Variants in ZNF33B observed in about 807,000 individuals in gnomAD.
ZNF33B encodes zinc finger protein 11b (KOX 2).
ZNF33B carries 29 observed loss-of-function variants against 45.8 expected under a neutral mutation model. The ratio of observed to expected loss-of-function variants is 0.63; its 90% CI spans 0.47 to 0.86. ZNF33B has a LOEUF of 0.86. Ranked by LOEUF, ZNF33B falls within the 40% of genes least tolerant of loss-of-function variation. The pLI, the probability that ZNF33B is intolerant of heterozygous loss-of-function variation, is 0.00. For missense variants in ZNF33B, 831 were observed against 909.9 expected (o/e 0.91, Z 1.12); for synonymous variants, 305 against 307.8 (o/e 0.99, Z 0.10).
chr10:42,593,704 T>G lies in ZNF33B; in HGVS notation c.1246A>C (p.Asn416His). Reference protein sequence around the residue: ...THTGEKPYQCNACGKTFYQKS... With the variant: ...THTGEKPYQCHACGKTFYQKS... ...TGGTAAAAAGTTTTCCCACATGCAT[T>G]ACACTGATAGGGTTTCTCCCCTGTA... Residue 416 changes from asparagine (N) to histidine (H), a missense_variant, in exon 5 of 5, where the codon AAT (asparagine) becomes CAT (histidine). Asn to His is a moderately conservative substitution (Grantham distance 68). Transcript: ENST00000359467. The G allele has an allele frequency of 6.2e-7, 1 of 1,613,332 alleles. No individual in the cohort carries two copies. The highest frequency in any genetic ancestry group is 8.5e-7 in the Non-Finnish European group (1 of 1,179,566).
chr10:42,632,380 C>T lies in ZNF33B; in HGVS notation c.69G>A (p.Gln23=). The change falls in exon 3 of 5, where the codon CAG becomes CAA. Residue 23 remains glutamine, a synonymous_variant. Transcript: ENST00000359467. ...SFKDVTVGFT[Q]EEWQHLDPSQ... is the part of the protein sequence containing the mutation. The stretch of plus-strand genomic sequence containing the variant: ...TAGGGTCCAGGTGCTGCCACTCCTC[C>T]TGGGTGAAGCCCACAGTCACATCTT... The T allele has an allele frequency of 6.2e-7, 1 of 1,613,902 alleles. No individual in the cohort carries two copies. Among genetic ancestry groups the T allele is most frequent in the Non-Finnish European group, 8.5e-7 (1 of 1,179,962 alleles).
intron 4 of ZNF33B, among the ~76,000 whole-genome samples, chr10:42,608,162 T>C (rs1197616631): frequency 6.6e-6 from 1 of 152,140 alleles, no homozygotes; most frequent in Non-Finnish European, 1.5e-5. Flanking sequence ...ACATAACAAT[T>C]CTAAGCATAT....
At chr10:42,585,996 C>T (rs1440070537), downstream of ZNF33B, among the ~76,000 whole-genome samples, 2 of 152,180 alleles carry the variant, frequency 1.3e-5, no homozygotes, top group African/African-American at 4.8e-5. Flanking sequence ...AGTCAGGATG[C>T]CTTGCTCTAG....
chr10:42,602,232 A>G (rs1837660014), intron 4 of ZNF33B, among the ~76,000 whole-genome samples: 1 of 150,260 alleles, frequency 6.7e-6, no homozygotes, highest in Non-Finnish European at 1.5e-5. Flanking sequence ...CTGGCCATGT[A>G]TTTTTCATCT....
chr10:42,626,605 T>C (rs1237758087), intron 4 of ZNF33B, among the ~76,000 whole-genome samples: 3 of 151,880 alleles, frequency 2.0e-5, no homozygotes, highest in Non-Finnish European at 4.4e-5. Flanking sequence ...GGATAATCAC[T>C]TGAACCTGGG....
At chr10:42,627,091 C>T (rs1838843473) in intron 4 of ZNF33B, among the ~76,000 whole-genome samples, 2 of 152,082 alleles carry the variant, frequency 1.3e-5, no homozygotes, top group Admixed American at 1.3e-4. Context: ...CAACCTCCCA[C>T]TCCCTGGGTT....
chr10:42,596,206 T>C (rs1228766638), intron 4 of ZNF33B, among the ~76,000 whole-genome samples: 2 of 151,826 alleles, frequency 1.3e-5, no homozygotes, highest in Non-Finnish European at 2.9e-5. Flanking sequence ...AAAGACCTGA[T>C]CCATGATGGT....
At chr10:42,574,817 C>T (rs1836723901) in intron 1 of ZNF33B, 1 of 152,192 alleles carries the variant, frequency 6.6e-6, no homozygotes, top group Non-Finnish European at 1.5e-5. Flanking sequence ...AAAACTAGCA[C>T]AGAGGATACC....
intron 4 of ZNF33B, among the ~76,000 whole-genome samples, chr10:42,623,472 A>G (rs529591007): frequency 6.6e-6 from 1 of 152,370 alleles, no homozygotes; most frequent in East Asian, 1.9e-4. Context: ...CCAAGTGTAC[A>G]TCAACAGATG....
At chr10:42,587,954 T>C (rs1836969807), downstream of ZNF33B, among the ~76,000 whole-genome samples, 2 of 152,212 alleles carry the variant, frequency 1.3e-5, no homozygotes, top group South Asian at 4.1e-4. Flanking sequence ...CTTAGGCAAC[T>C]GGAGTGCCAC....
chr10:42,607,140 G>A (rs1343036288), intron 4 of ZNF33B, among the ~76,000 whole-genome samples: 5 of 151,978 alleles, frequency 3.3e-5, no homozygotes, highest in Non-Finnish European at 7.4e-5. Context: ...TGGAGAAGAG[G>A]AAATAGAGCT....
chr10:42,620,550 C>T (rs1031544645), intron 4 of ZNF33B, among the ~76,000 whole-genome samples: 1 of 151,694 alleles, frequency 6.6e-6, no homozygotes, highest in African/African-American at 2.4e-5. Context: ...CCACAGCGCA[C>T]ACCACCACAC....
At chr10:42,580,610 A>C (rs368451741) in intron 1 of ZNF33B, among the ~76,000 whole-genome samples, 17 of 151,568 alleles carry the variant, frequency 1.1e-4, no homozygotes, top group African/African-American at 4.1e-4. Flanking sequence ...GAATATTTTG[A>C]GTGGAAAAAT....
chr10:42,594,701 TACAA>T lies in ZNF33B; in HGVS notation c.251-6_251-3del, dbSNP rs1246453062. 4 of 1,546,468 alleles carry T rather than the reference TACAA, an allele frequency of 2.6e-6. No individual in the cohort carries two copies. Among genetic ancestry groups the T allele is most frequent in the East Asian group, 2.3e-5 (1 of 44,354 alleles). On this transcript the variant is annotated splice_region_variant and splice_polypyrimidine_tract_variant and intron_variant, in intron 4 of 4. Transcript: ENST00000359467. Reference sequence around the variant, plus strand: ...TCAGGTGATCAGCTGTCCAGACTTCTACAAACAAACAAAATTAATCTTACCATAT... The same window carrying T: ...TCAGGTGATCAGCTGTCCAGACTTCTACAAACAAAATTAATCTTACCATAT...
downstream of ZNF33B, among the ~76,000 whole-genome samples, chr10:42,586,529 T>C (rs928104389): frequency 3.3e-5 from 5 of 152,142 alleles, no homozygotes; most frequent in African/African-American, 1.2e-4. Context: ...ACTGCAGCCT[T>C]GAATTCCCGG....
downstream of ZNF33B, among the ~76,000 whole-genome samples, chr10:42,584,750 A>G (rs990736764): frequency 6.6e-5 from 10 of 152,126 alleles, no homozygotes; most frequent in East Asian, 1.9e-3. Flanking sequence ...CAAACTCCTG[A>G]CCTCAGGCGA....
downstream of ZNF33B, among the ~76,000 whole-genome samples, chr10:42,587,669 C>T (rs766149723): frequency 7.2e-5 from 11 of 152,092 alleles, no homozygotes; most frequent in African/African-American, 2.7e-4. Context: ...CATCAGGCCC[C>T]GTGATTCCAA....
chr10:42,583,075 C>T (rs780901350), intron 1 of ZNF33B: 1 of 822,856 alleles, frequency 1.2e-6, no homozygotes, highest in Non-Finnish European at 2.1e-6. Flanking sequence ...TCCAGCACTG[C>T]AAGGGTTTAA....
At position 42,592,941 on chromosome 10, in the gene ZNF33B, C is replaced by A. The variant is rs369377643; in HGVS notation, c.2009G>T (p.Cys670Phe). 1.9e-5 allele frequency: 30 copies of A among 1,613,790 alleles called. No individual in the cohort carries two copies. Among genetic ancestry groups the A allele is most frequent in the Non-Finnish European group, 2.5e-5 (30 of 1,179,934 alleles). Residue 670 changes from cysteine to phenylalanine, a missense_variant, in exon 5 of 5, where the codon TGT (cysteine) becomes TTT (phenylalanine). By Grantham distance (205) the Cys-to-Phe change is radical. Coordinates refer to ENST00000359467, the MANE Select transcript of ZNF33B (RefSeq NM_006955.3). ...TGACTTCACACAGAAAGATTTTCCA[C>A]ATTCGTTACATTTATAAGGCTTTTC... is the stretch of plus-strand genomic sequence containing the variant. The part of the protein sequence containing the change: ...TQEKPYKCNE[C>F]GKSFCVKSGL...
Sources: gnomAD v4.1 joint callset for allele counts (sites outside exome capture counted in the v4.1 genomes callset) on GRCh38, gnomAD v4.1.1 for gene constraint, MANE v1.5 for transcripts, NCBI Gene and HGNC (gene_info 2026-07-23, HGNC 2026-07-21) for gene names.